The following RFX3 variants were observed in gnomAD, a reference collection of about 807,000 sequenced individuals.
RFX3 encodes the protein regulatory factor X3.
A neutral mutation model predicts 98.6 loss-of-function variants in RFX3; 14 were observed. The observed-to-expected ratio is 0.14, with a 90% CI of 0.09 to 0.22. The LOEUF is 0.22. Ranked by LOEUF, RFX3 falls within the 10% of genes least tolerant of loss-of-function variation. The pLI is 1.00. For missense variants in RFX3, 639 were observed against 926.9 expected, an observed-to-expected ratio of 0.69 and a Z score of 4.03; for synonymous variants, 383 against 328.4, an observed-to-expected ratio of 1.17 and a Z score of -1.80.
chr9:3,233,835 TA>T (rs5896007), intron 15 of RFX3, among the ~76,000 whole-genome samples: 124,469 of 152,130 alleles, frequency 0.82, 52,973 homozygotes, highest in East Asian at 0.97. Flanking sequence ...GCCTGGCACA[TA>T]AGGAAGCACT....
intron 1 of RFX3, among the ~76,000 whole-genome samples, chr9:3,434,768 T>G (rs1844969429): frequency 6.6e-6 from 1 of 152,030 alleles, no homozygotes; most frequent in Admixed American, 6.6e-5. Context: ...CATTTCACAA[T>G]TACAGTCATG....
At chr9:3,250,142 T>A (rs1452320730) in intron 14 of RFX3, among the ~76,000 whole-genome samples, 1 of 151,728 alleles carries the variant, frequency 6.6e-6, no homozygotes, top group Non-Finnish European at 1.5e-5. Context: ...TTTAAAGCAG[T>A]GAATCACTTA....
intron 3 of RFX3, among the ~76,000 whole-genome samples, chr9:3,342,330 C>T (rs1388593153): frequency 1.3e-5 from 2 of 152,148 alleles, no homozygotes; most frequent in Non-Finnish European, 2.9e-5. Context: ...TGTTTCACTG[C>T]TTGTGTAACC....
chr9:3,513,141 C>T (rs1201462204), intron 1 of RFX3, among the ~76,000 whole-genome samples: 1 of 151,946 alleles, frequency 6.6e-6, no homozygotes, highest in East Asian at 1.9e-4. Context: ...TCCTTTAATT[C>T]CTCATTCAAA....
At chr9:3,378,199 A>T (rs1166229286) in intron 2 of RFX3, among the ~76,000 whole-genome samples, 1 of 152,180 alleles carries the variant, frequency 6.6e-6, no homozygotes, top group African/African-American at 2.4e-5. Context: ...TATTTAGGTA[A>T]TATCTTCAAA....
At chr9:3,428,827 A>G (rs1844356377) in intron 1 of RFX3, among the ~76,000 whole-genome samples, 3 of 152,192 alleles carry the variant, frequency 2.0e-5, no homozygotes, top group African/African-American at 7.2e-5. Context: ...CCACAAATAA[A>G]GCGTATTTTT....
intron 1 of RFX3, among the ~76,000 whole-genome samples, chr9:3,474,893 A>G (rs868422867): frequency 2.0e-5 from 3 of 152,186 alleles, no homozygotes; most frequent in African/African-American, 7.2e-5. Flanking sequence ...GGCAACCAAG[A>G]GTTGAAGACC....
chr9:3,269,214 A>G (rs1377642232), intron 11 of RFX3, among the ~76,000 whole-genome samples: 1 of 151,996 alleles, frequency 6.6e-6, no homozygotes, highest in Non-Finnish European at 1.5e-5. Flanking sequence ...GTGTTCATTA[A>G]TATTATATGG....
chr9:3,449,405 T>A (rs183244092), intron 1 of RFX3, among the ~76,000 whole-genome samples: 1 of 152,252 alleles, frequency 6.6e-6, no homozygotes, highest in Non-Finnish European at 1.5e-5. Context: ...TGCTTATTTA[T>A]TAGAGATGGT....
At position 3,257,060 on chromosome 9, in the gene RFX3, T is replaced by C. The variant is rs374194094; in HGVS notation, c.1745A>G (p.Lys582Arg). The C allele has an allele frequency of 6.2e-6, 10 of 1,613,902 alleles. No individual in the cohort carries two copies. The African/African-American group carries it at 9.4e-5, about 15-fold the overall frequency. ...WLDNVMMQAL[K>R]PYEGRPSFPK... Reference sequence around the variant, plus strand: ...AAAACTGGGTCTTCCTTCATAGGGTTTCAGTGCTTGCATCATCACATTGTC... The same window carrying C: ...AAAACTGGGTCTTCCTTCATAGGGTCTCAGTGCTTGCATCATCACATTGTC... Residue 582 changes from lysine to arginine, a missense_variant, in exon 14 of 17, where the codon AAA (lysine) becomes AGA (arginine). Lys to Arg is a conservative substitution (Grantham distance 26). Coordinates refer to ENST00000617270, the MANE Select transcript of RFX3 (RefSeq NM_001282116.2).
intron 1 of RFX3, among the ~76,000 whole-genome samples, chr9:3,504,181 A>AT (rs1816392098): frequency 2.0e-5 from 2 of 99,148 alleles, no homozygotes; most frequent in African/African-American, 1.2e-4. Context: ...TATATATTAT[A>AT]CATATTATAT....
intron 1 of RFX3, among the ~76,000 whole-genome samples, chr9:3,428,902 A>G (rs1844364000): frequency 6.6e-6 from 1 of 152,148 alleles, no homozygotes; most frequent in African/African-American, 2.4e-5. Flanking sequence ...ATGCTTAGAG[A>G]TAGACAGGGC....
In RFX3 at chr9:3,288,170, T is replaced by C; in HGVS notation, c.812A>G (p.Tyr271Cys). 1 of 1,612,944 alleles carries C rather than the reference T, an allele frequency of 6.2e-7. No individual in the cohort carries two copies. Among genetic ancestry groups the C allele is most frequent in the Non-Finnish European group, 8.5e-7 (1 of 1,179,070 alleles). Residue 271 changes from tyrosine (Y) to cysteine (C), a missense_variant, in exon 7 of 17, where the codon TAT becomes TGT. Around this residue, in one of 9 missense-constraint regions of RFX3, gnomAD observed 86 missense variants for 113.2 expected, o/e 0.76. Coordinates refer to ENST00000617270, the MANE Select transcript of RFX3 (RefSeq NM_001282116.2). ...PLNRLQEDMQYMAMRQQPMQQ... is the reference protein window; with the variant it reads ...PLNRLQEDMQCMAMRQQPMQQ... ...CATGGGTTGTTGTCTCATAGCCATA[T>C]ACTGCATGTCTTCTTGCAGACGATT...
chr9:3,263,947 A>T (rs531377546), intron 12 of RFX3, among the ~76,000 whole-genome samples: 44 of 152,164 alleles, frequency 2.9e-4, no homozygotes, highest in African/African-American at 9.6e-4. Context: ...TAATGTTACC[A>T]CAGTCCTGAG....
intron 1 of RFX3, among the ~76,000 whole-genome samples, chr9:3,481,706 G>T (rs1849780697): frequency 6.6e-6 from 1 of 151,874 alleles, no homozygotes; most frequent in South Asian, 2.1e-4. Flanking sequence ...AATTTAAGAA[G>T]AGGAAAAGAA....
At chr9:3,518,503 G>A (rs1183357020) in intron 1 of RFX3, among the ~76,000 whole-genome samples, 1 of 151,820 alleles carries the variant, frequency 6.6e-6, no homozygotes, top group Non-Finnish European at 1.5e-5. Context: ...CAATGCTTTG[G>A]CAAAAAAGAA....
intron 10 of RFX3, 151 bp downstream of exon 10, chr9:3,270,852 G>T: frequency 9.2e-7 from 1 of 1,083,262 alleles, no homozygotes; most frequent in Non-Finnish European, 1.3e-6. Flanking sequence ...CAAGAGAGCA[G>T]TTCATGGTTT....
chr9:3,322,397 ATATTTTCTAAC>A (rs1248930224), intron 4 of RFX3, among the ~76,000 whole-genome samples: 1 of 152,004 alleles, frequency 6.6e-6, no homozygotes, highest in Admixed American at 6.6e-5. Context: ...TGTTTCCATT[ATATTTTCTAAC>A]TATCTAGAAA....
At chr9:3,264,414 G>A (rs1043464035) in intron 12 of RFX3, among the ~76,000 whole-genome samples, 1 of 152,082 alleles carries the variant, frequency 6.6e-6, no homozygotes, top group Non-Finnish European at 1.5e-5. Flanking sequence ...GTGTTCACAG[G>A]GAACAGGATG....
Sources: gnomAD v4.1 joint callset for allele counts (sites outside exome capture counted in the v4.1 genomes callset) on GRCh38, gnomAD v4.1.1 for gene constraint, gnomAD v4.1.1 regional missense constraint, MANE v1.5 for transcripts, NCBI Gene and HGNC (gene_info 2026-07-23, HGNC 2026-07-21) for gene names.